SRSF4: variants seen among roughly 807,000 people sequenced by gnomAD.
SRSF4 encodes serine and arginine rich splicing factor 4, also known as serine/arginine-rich splicing factor 4.
A neutral mutation model predicts 48.8 loss-of-function variants in SRSF4; 12 were observed. The ratio of observed to expected loss-of-function variants is 0.25; its 90% confidence interval spans 0.16 to 0.40. The LOEUF (loss-of-function observed/expected upper bound fraction) is 0.40, where lower values mean the gene tolerates loss of function less well. Among genes scored for constraint, SRSF4 ranks in the 10% least tolerant of loss-of-function variants. The probability of loss-of-function intolerance (pLI) is 1.00; values close to 1 mark genes in which losing one functional copy is unlikely to be tolerated. For synonymous variants in SRSF4, 248 were observed against 232.5 expected (o/e 1.07, Z -0.61); for missense variants, 466 against 667.1 (o/e 0.70, Z 3.32).
At chr1:29,154,530 A>C in intron 4 of SRSF4, 166 bp downstream of exon 4, 1 of 673,400 alleles carries the variant, frequency 1.5e-6, no homozygotes, top group Non-Finnish European at 2.5e-6. Context: ...CTCATGACCT[A>C]AGAGTTCAAG....
In SRSF4 at chr1:29,148,590, G is replaced by A; in HGVS notation, c.1305C>T (p.Gly435=). The change falls in exon 6 of 6, where the codon GGC becomes GGT. Residue 435 remains glycine (G), a synonymous_variant. Coordinates refer to ENST00000373795, the MANE Select transcript of SRSF4 (RefSeq NM_005626.5). ...REGRGESENA[G]TNQETRSRSR... is the part of the protein sequence containing the mutation. ...ACCTGGACCGGGTCTCCTGATTGGTGCCAGCATTCTCACTCTCTCCTCGAC... is the reference window on the plus strand; with the variant it reads ...ACCTGGACCGGGTCTCCTGATTGGTACCAGCATTCTCACTCTCTCCTCGAC... 6.2e-7 allele frequency: 1 copy of A among 1,614,040 alleles called. No homozygotes were observed. Among genetic ancestry groups the A allele is most frequent in the Non-Finnish European group, 8.5e-7 (1 of 1,179,962 alleles).
At chr1:29,159,582 C>T in intron 2 of SRSF4, 96 bp from the exon 3 acceptor site, 3 of 707,922 alleles carry the variant, frequency 4.2e-6, no homozygotes, top group Non-Finnish European at 2.3e-6. Context: ...TATTTACCCC[C>T]ACCCCAAACA....
chr1:29,176,827 T>G (rs949428469), intron 1 of SRSF4, among the ~76,000 whole-genome samples: 2 of 152,226 alleles, frequency 1.3e-5, no homozygotes, highest in African/African-American at 4.8e-5. Context: ...CAACATCCCC[T>G]GAAAATTCAG....
At chr1:29,168,036 A>AT (rs1672692506) in intron 1 of SRSF4, among the ~76,000 whole-genome samples, 1 of 150,944 alleles carries the variant, frequency 6.6e-6, no homozygotes, top group South Asian at 2.1e-4. Flanking sequence ...TTTTAAAAAA[A>AT]ACATAGTCTC....
At chr1:29,175,488 G>A (rs1319659137) in intron 1 of SRSF4, among the ~76,000 whole-genome samples, 1 of 150,846 alleles carries the variant, frequency 6.6e-6, no homozygotes, top group East Asian at 2.0e-4. Flanking sequence ...GAGGTCAGGA[G>A]ATCGAGACCA....
Position 29,154,648 on chromosome 1 carries a change from C to A in SRSF4, c.578+48G>T, listed in dbSNP as rs192308229. On this transcript the variant is annotated intron_variant, in intron 4 of 5. Coordinates refer to ENST00000373795, the MANE Select transcript of SRSF4 (RefSeq NM_005626.5). Reference sequence around the variant, plus strand: ...TGTAAATAAATTATCTATGTGCTCACTAATGAATTTATGATGAGCTCCAAC... The same window carrying A: ...TGTAAATAAATTATCTATGTGCTCAATAATGAATTTATGATGAGCTCCAAC... 2.6e-5 allele frequency: 41 copies of A among 1,548,758 alleles called. 1 individual carries two copies. The East Asian group carries it at 9.2e-4, about 35-fold the overall frequency.
chr1:29,158,196 C>G (rs1672530249), intron 3 of SRSF4, among the ~76,000 whole-genome samples: 1 of 151,640 alleles, frequency 6.6e-6, no homozygotes, highest in South Asian at 2.1e-4. Flanking sequence ...GGAACCAGTA[C>G]ACTGGATGGC....
intron 4 of SRSF4, among the ~76,000 whole-genome samples, chr1:29,152,475 T>C (rs1338454852): frequency 1.3e-5 from 2 of 152,220 alleles, no homozygotes; most frequent in Admixed American, 1.3e-4. Context: ...TCTTCCATTC[T>C]TGCTCTGGCC....
rs1299371963 is a variant in SRSF4 at position 29,177,290 on chromosome 1, T to G, written c.107+4356A>C. 2.0e-3 allele frequency among the ~76,000 whole-genome samples: 309 copies of G among 151,796 alleles called. 9 individuals are homozygous for G. The highest frequency in any genetic ancestry group is 5.8e-4 in the East Asian group (3 of 5,184). On this transcript the variant is annotated intron_variant, in intron 1 of 5. Coordinates refer to ENST00000373795, the MANE Select transcript of SRSF4 (RefSeq NM_005626.5). ...CCTACAGTAACTCTTTTTGTTTTTT[T>G]TTTTTTTTGAGACGAAGTTTTGCTC...
chr1:29,165,370 A>G (rs1006113624), intron 1 of SRSF4, among the ~76,000 whole-genome samples: 1 of 152,210 alleles, frequency 6.6e-6, no homozygotes, highest in African/African-American at 2.4e-5. Flanking sequence ...GAAAAGGTAG[A>G]ACTGGAATGA....
rs1456319996 is a variant in SRSF4 at position 29,154,693 on chromosome 1, T to C, written c.578+3A>G. ...TCCAACACACAAAAGACATCAACAG[T>C]ACCTTGAATGACTCCGGCTTCTGGA... On this transcript the variant is annotated splice_donor_region_variant and intron_variant, in intron 4 of 5. Transcript: ENST00000373795. 1 of 1,614,076 alleles carries C rather than the reference T, an allele frequency of 6.2e-7. No homozygotes were observed. Among genetic ancestry groups the C allele is most frequent in the South Asian group, 1.1e-5 (1 of 91,068 alleles).
chr1:29,180,877 G>A (rs1365784438), intron 1 of SRSF4, among the ~76,000 whole-genome samples: 1 of 152,164 alleles, frequency 6.6e-6, no homozygotes, highest in African/African-American at 2.4e-5. Context: ...TTTCGTCTCC[G>A]TCTGCGTTAA....
chr1:29,155,804 T>C (rs1672491052), intron 3 of SRSF4, among the ~76,000 whole-genome samples: 1 of 152,222 alleles, frequency 6.6e-6, no homozygotes, highest in South Asian at 2.1e-4. Context: ...ATTTTCTAAA[T>C]CTTATAGTGA....
intron 1 of SRSF4, chr1:29,172,365 C>T (rs893866772): frequency 1.3e-5 from 2 of 151,874 alleles, no homozygotes; most frequent in Non-Finnish European, 2.9e-5. Flanking sequence ...TGTGATCTCA[C>T]ACTGCAACTT....
chr1:29,173,127 AG>A (rs59586131), intron 1 of SRSF4: 333 of 143,520 alleles, frequency 2.3e-3, no homozygotes, highest in African/African-American at 8.1e-3. Context: ...TGAGTCAAAA[AG>A]GCTTTTTTTT....
At chr1:29,177,921 A>G (rs2151828403) in intron 1 of SRSF4, among the ~76,000 whole-genome samples, 1 of 106,422 alleles carries the variant, frequency 9.4e-6, no homozygotes, top group African/African-American at 4.4e-5. Context: ...TTTTTTTGAG[A>G]CAGAGTCTTG....
chr1:29,150,049 C>A, intron 5 of SRSF4, 54 bp downstream of exon 5: 1 of 1,419,936 alleles, frequency 7.0e-7, no homozygotes, highest in South Asian at 1.2e-5. Context: ...AAAAGTGAGA[C>A]AGGGTACAGG....
intron 3 of SRSF4, among the ~76,000 whole-genome samples, chr1:29,158,963 C>A (rs71514297): frequency 1.1e-4 from 17 of 152,096 alleles, no homozygotes; most frequent in Admixed American, 3.3e-4. Flanking sequence ...AAAAATTACC[C>A]GGGCATGGTG....
Position 29,176,472 on chromosome 1 carries a change from TTAAAAAC to T in SRSF4, c.107+5167_107+5173del, listed in dbSNP as rs72244877. Among the ~76,000 whole-genome samples the T allele has an allele frequency of 2.1e-3, 292 of 141,160 alleles. 2 individuals carry two copies. The highest frequency in any genetic ancestry group is 7.4e-3 in the African/African-American group (261 of 35,504). 92.6% of individuals were successfully genotyped at this position (141,160 alleles called of 152,430 possible). A position where few individuals can be genotyped will look rare whatever the true frequency, so the allele number is the denominator to read the frequency against. On this transcript the variant is annotated intron_variant, in intron 1 of 5. Coordinates refer to ENST00000373795, the MANE Select transcript of SRSF4 (RefSeq NM_005626.5). Reference sequence around the variant, plus strand: ...AGCCTTGGGAGAAGCCTTGGGAGAATTAAAAACTAAAAACTTTAAAAAAAAAAAAAAG... The same window carrying T: ...AGCCTTGGGAGAAGCCTTGGGAGAATTAAAAACTTTAAAAAAAAAAAAAAG...
Sources: allele counts gnomAD v4.1 joint callset (sites outside exome capture counted in the v4.1 genomes callset), GRCh38; gene constraint gnomAD v4.1.1; transcripts MANE v1.5; gene names NCBI Gene and HGNC (gene_info 2026-07-23, HGNC 2026-07-21).